Variants in SLIT2 observed in about 807,000 individuals in gnomAD.
The protein encoded by SLIT2 is slit homolog 2 protein.
A neutral mutation model predicts 185.7 loss-of-function variants in SLIT2; 41 were observed. The observed-to-expected ratio is 0.22, with a 90% confidence interval of 0.17 to 0.29. The LOEUF (loss-of-function observed/expected upper bound fraction) is 0.29, where lower values mean the gene tolerates loss of function less well. Ranked by LOEUF, SLIT2 falls within the 10% of genes least tolerant of loss-of-function variation. SLIT2 has a pLI of 1.00. For missense variants in SLIT2, 1,571 were observed against 1,909.0 expected, an observed-to-expected ratio of 0.82 and a Z score of 3.30; for synonymous variants, 693 against 680.2, an observed-to-expected ratio of 1.02 and a Z score of -0.29.
At chr4:20,457,165 A>G (rs1040815287) in intron 4 of SLIT2, among the ~76,000 whole-genome samples, 7 of 151,990 alleles carry the variant, frequency 4.6e-5, no homozygotes, top group African/African-American at 1.4e-4. Flanking sequence ...TTCATGTTTT[A>G]TTGACCACAA....
rs746436863 is a variant in SLIT2 at position 20,595,687 on chromosome 4, G to C, written c.3183-10G>C. 8.7e-6 allele frequency: 14 copies of C among 1,612,986 alleles called. No individual in the cohort carries two copies. Among genetic ancestry groups the C allele is most frequent in the South Asian group, 3.3e-5 (3 of 91,008 alleles). On this transcript the variant is annotated splice_polypyrimidine_tract_variant and intron_variant, in intron 30 of 36. Transcript: ENST00000504154. ...TTGGGTTTGAAACCATTACCTGCTT[G>C]TTCCAACAGATGTGACTGCACACCA... is the stretch of plus-strand genomic sequence containing the variant.
chr4:20,387,202 T>C (rs1725003262), intron 4 of SLIT2, among the ~76,000 whole-genome samples: 1 of 152,166 alleles, frequency 6.6e-6, no homozygotes, highest in Non-Finnish European at 1.5e-5. Context: ...TTATTGTTGT[T>C]CTCAGGGCTC....
At chr4:20,452,548 CT>C (rs1368286296) in intron 4 of SLIT2, among the ~76,000 whole-genome samples, 3 of 152,106 alleles carry the variant, frequency 2.0e-5, no homozygotes, top group Admixed American at 6.6e-5. Flanking sequence ...CATCTGCTAT[CT>C]TTTTTCCTCT....
At chr4:20,572,484 A>G (rs955874572) in intron 29 of SLIT2, among the ~76,000 whole-genome samples, 15 of 152,130 alleles carry the variant, frequency 9.9e-5, no homozygotes, top group Non-Finnish European at 1.9e-4. Flanking sequence ...TAAAATCATG[A>G]TCATCTTCTT....
chr4:20,255,080 G>C (rs1366812157), intron 1 of SLIT2: 14 of 455,900 alleles, frequency 3.1e-5, no homozygotes, highest in South Asian at 2.0e-4. Context: ...CCCTAGGCAC[G>C]TTCCGCTCTC....
At chr4:20,315,650 A>C (rs79108342) in intron 4 of SLIT2, among the ~76,000 whole-genome samples, 2 of 152,084 alleles carry the variant, frequency 1.3e-5, no homozygotes, top group African/African-American at 4.8e-5. Flanking sequence ...AGGAAAAAAC[A>C]TAAGAAAGTT....
At chr4:20,442,617 G>T (rs532639276) in intron 4 of SLIT2, among the ~76,000 whole-genome samples, 1 of 151,884 alleles carries the variant, frequency 6.6e-6, no homozygotes, top group Non-Finnish European at 1.5e-5. Context: ...GGAAAGGAGC[G>T]AATTGTAGAC....
At chr4:20,271,437 TATA>T (rs1483358322) in intron 4 of SLIT2, among the ~76,000 whole-genome samples, 3 of 146,512 alleles carry the variant, frequency 2.0e-5, no homozygotes, top group African/African-American at 7.4e-5. Context: ...TTATATGTAA[TATA>T]ATATATAATT....
At chr4:20,455,372 A>T (rs770995490) in intron 4 of SLIT2, among the ~76,000 whole-genome samples, 1 of 152,164 alleles carries the variant, frequency 6.6e-6, no homozygotes, top group Non-Finnish European at 1.5e-5. Flanking sequence ...AGACATCCAA[A>T]GTAGTAGGCA....
intron 4 of SLIT2, among the ~76,000 whole-genome samples, chr4:20,386,801 C>A (rs1174114238): frequency 6.6e-6 from 1 of 152,172 alleles, no homozygotes; most frequent in Non-Finnish European, 1.5e-5. Context: ...GCATGATGAC[C>A]TCTCTTGTAT....
chr4:20,494,653 C>G (rs1277010682), intron 9 of SLIT2, among the ~76,000 whole-genome samples: 1 of 151,818 alleles, frequency 6.6e-6, no homozygotes, highest in African/African-American at 2.4e-5. Flanking sequence ...GTCGTGGATG[C>G]CTGTAGTCTC....
chr4:20,603,913 C>A (rs2148969613), intron 33 of SLIT2, among the ~76,000 whole-genome samples: 1 of 152,282 alleles, frequency 6.6e-6, no homozygotes, highest in Non-Finnish European at 1.5e-5. Context: ...TTTATTCAGC[C>A]ATTCTTGATA....
chr4:20,401,614 C>T lies in SLIT2; in HGVS notation c.396-66138C>T, dbSNP rs113511105. ...TGTGAGCAGTTCCAAGACCTAGATTCAGAGTGGGAAGATCCCTTTCAACCT... is the reference window on the plus strand; with the variant it reads ...TGTGAGCAGTTCCAAGACCTAGATTTAGAGTGGGAAGATCCCTTTCAACCT... On this transcript the variant is annotated intron_variant, in intron 4 of 36. Coordinates refer to ENST00000504154, the MANE Select transcript of SLIT2 (RefSeq NM_004787.4). Among the ~76,000 whole-genome samples the T allele has an allele frequency of 7.9e-3, 1,204 of 151,934 alleles. 3 individuals are homozygous for T. Among genetic ancestry groups the T allele is most frequent in the Non-Finnish European group, 0.011 (757 of 67,864 alleles).
chr4:20,584,344 T>G (rs554678367), intron 29 of SLIT2, among the ~76,000 whole-genome samples: 6 of 152,346 alleles, frequency 3.9e-5, no homozygotes, highest in Non-Finnish European at 7.3e-5. Flanking sequence ...GGTCTCTTTA[T>G]GCTGATTCAC....
intron 18 of SLIT2, among the ~76,000 whole-genome samples, chr4:20,538,982 GT>G (rs1722563391): frequency 6.6e-6 from 1 of 152,108 alleles, no homozygotes; most frequent in African/African-American, 2.4e-5. Flanking sequence ...TTGACTCAGT[GT>G]GTAAGTCCCT....
chr4:20,575,441 T>C (rs1181100159), intron 29 of SLIT2, among the ~76,000 whole-genome samples: 1 of 152,222 alleles, frequency 6.6e-6, no homozygotes, highest in Admixed American at 6.5e-5. Context: ...CTGCAGTTTA[T>C]GTGAACAACA....
intron 4 of SLIT2, among the ~76,000 whole-genome samples, chr4:20,341,083 C>A (rs1720925349): frequency 6.6e-6 from 1 of 152,176 alleles, no homozygotes. Flanking sequence ...AAAAAGACAG[C>A]CAGTGTAGGG....
At chr4:20,561,876 A>G (rs923254063) in intron 26 of SLIT2, among the ~76,000 whole-genome samples, 1 of 151,804 alleles carries the variant, frequency 6.6e-6, no homozygotes, top group Non-Finnish European at 1.5e-5. Flanking sequence ...TATTTATTTT[A>G]ATAGGTAAAG....
chr4:20,463,491 A>ATATATGTGTG (rs1491274435), intron 4 of SLIT2, among the ~76,000 whole-genome samples: 4 of 96,224 alleles, frequency 4.2e-5, no homozygotes, highest in Non-Finnish European at 6.0e-5. Flanking sequence ...ATATATATAT[A>ATATATGTGTG]TGTGTGTGTG....
Sources: allele counts gnomAD v4.1 joint callset (sites outside exome capture counted in the v4.1 genomes callset), GRCh38; gene constraint gnomAD v4.1.1; transcripts MANE v1.5; gene names NCBI Gene and HGNC (gene_info 2026-07-23, HGNC 2026-07-21).